Variants in MMP16 observed in about 807,000 individuals in gnomAD.
The protein encoded by MMP16 is matrix metalloproteinase-16.
MMP16 carries 12 observed loss-of-function variants against 67.8 expected under a neutral mutation model. That is an observed-to-expected ratio of 0.18 (90% CI 0.11 to 0.29). MMP16 has a LOEUF of 0.29. Ranked by LOEUF, MMP16 falls within the 10% of genes least tolerant of loss-of-function variation. The pLI, the probability that MMP16 is intolerant of heterozygous loss-of-function variation, is 1.00. For synonymous variants in MMP16, 249 were observed against 255.9 expected (o/e 0.97, Z 0.26); for missense variants, 475 against 765.7 (o/e 0.62, Z 4.48).
intron 6 of MMP16, among the ~76,000 whole-genome samples, chr8:88,113,741 G>GTAT (rs1284816237): frequency 6.6e-5 from 10 of 151,964 alleles, no homozygotes; most frequent in African/African-American, 2.4e-4. Context: ...ATTCACAAGT[G>GTAT]GAACATCTGT....
intron 1 of MMP16, among the ~76,000 whole-genome samples, chr8:88,308,100 A>G (rs1438205667): frequency 6.6e-6 from 1 of 152,072 alleles, no homozygotes; most frequent in Non-Finnish European, 1.5e-5. Flanking sequence ...AAATTAGTAT[A>G]TAATAAAGGC....
chr8:88,165,084 T>C (rs1382673776), intron 4 of MMP16, among the ~76,000 whole-genome samples: 1 of 150,184 alleles, frequency 6.7e-6, no homozygotes, highest in Non-Finnish European at 1.5e-5. Context: ...TAGGTAATAC[T>C]GTAATTCCAG....
Position 88,041,865 on chromosome 8 carries a change from C to G in MMP16, c.1490-70G>C. 1 of 1,126,924 alleles carries G rather than the reference C, an allele frequency of 8.9e-7. No individual in the cohort carries two copies. Among genetic ancestry groups the G allele is most frequent in the Non-Finnish European group, 1.3e-6 (1 of 785,514 alleles). The allele number at this position is 1,126,924 out of a possible 1,614,324, so 69.8% of individuals were successfully genotyped here. A position where few individuals can be genotyped will look rare whatever the true frequency, so the allele number is the denominator to read the frequency against. On this transcript the variant is annotated intron_variant, in intron 9 of 9. Coordinates refer to ENST00000286614, the MANE Select transcript of MMP16 (RefSeq NM_005941.5). The surrounding 1 kb of genome is among the most constrained non-coding windows in gnomAD (Gnocchi z 6.0). The stretch of plus-strand genomic sequence containing the variant: ...ACAGTGTATATGTAGAGAAATGTTA[C>G]TAAAATAGGCTATGTCTTAAGAGAT...
chr8:88,132,259 A>G (rs1443280876), intron 4 of MMP16, among the ~76,000 whole-genome samples: 2 of 151,972 alleles, frequency 1.3e-5, no homozygotes, highest in Non-Finnish European at 1.5e-5. Context: ...TCTTTAAAAT[A>G]CGATTTTTCA....
intron 1 of MMP16, among the ~76,000 whole-genome samples, chr8:88,227,238 C>A (rs1809785330): frequency 1.3e-5 from 2 of 151,904 alleles, no homozygotes; most frequent in African/African-American, 4.8e-5. Context: ...TTACAATATA[C>A]ATATAGCAAA....
At chr8:88,042,630 T>G (rs1409888065) in intron 9 of MMP16, among the ~76,000 whole-genome samples, 1 of 152,214 alleles carries the variant, frequency 6.6e-6, no homozygotes, top group Non-Finnish European at 1.5e-5. Context: ...AATTCTATTT[T>G]TAATACTTCC....
chr8:88,153,961 T>C (rs1031884197), intron 4 of MMP16, among the ~76,000 whole-genome samples: 2 of 150,634 alleles, frequency 1.3e-5, no homozygotes, highest in African/African-American at 2.4e-5. Context: ...TTTCACAACC[T>C]ACTCATCTGA....
intron 6 of MMP16, among the ~76,000 whole-genome samples, chr8:88,088,030 A>C (rs1000756725): frequency 4.0e-5 from 3 of 75,272 alleles, no homozygotes; most frequent in Non-Finnish European, 8.7e-5. Context: ...TATATTATAT[A>C]TATAGATATA....
chr8:88,121,384 T>C (rs1039313749), intron 4 of MMP16, among the ~76,000 whole-genome samples: 1 of 151,996 alleles, frequency 6.6e-6, no homozygotes, highest in Non-Finnish European at 1.5e-5. Context: ...CTTCAGATGA[T>C]TGGCAATAAT....
intron 1 of MMP16, among the ~76,000 whole-genome samples, chr8:88,232,468 A>AT (rs1202923494): frequency 6.6e-6 from 1 of 152,180 alleles, no homozygotes; most frequent in African/African-American, 2.4e-5. Flanking sequence ...ATTACTATAT[A>AT]TAAGATCATT....
intron 4 of MMP16, among the ~76,000 whole-genome samples, chr8:88,153,384 C>T (rs1808444855): frequency 6.6e-6 from 1 of 152,080 alleles, no homozygotes; most frequent in South Asian, 2.1e-4. Flanking sequence ...TCATATGGAA[C>T]CAAAAAAGAG....
intron 1 of MMP16, among the ~76,000 whole-genome samples, chr8:88,237,753 T>C (rs1251551294): frequency 6.6e-6 from 1 of 152,210 alleles, no homozygotes; most frequent in African/African-American, 2.4e-5. Flanking sequence ...GAGGCTATTA[T>C]TGGTGATTTA....
At chr8:88,107,472 A>G (rs759847847) in intron 6 of MMP16, among the ~76,000 whole-genome samples, 6 of 151,068 alleles carry the variant, frequency 4.0e-5, no homozygotes, top group Non-Finnish European at 8.9e-5. Context: ...TTTATGCTTA[A>G]AATTATGTAT....
chr8:88,037,026 T>C lies in MMP16; in HGVS notation c.*4435A>G, dbSNP rs567084518. 6.6e-6 allele frequency: 1 copy of C among 151,520 alleles called. No homozygotes were observed. The highest frequency in any genetic ancestry group is 1.5e-5 in the Non-Finnish European group (1 of 67,698). The allele number at this position is 151,520 out of a possible 1,614,324, so 9.4% of individuals were successfully genotyped here. A position where few individuals can be genotyped will look rare whatever the true frequency, so the allele number is the denominator to read the frequency against. ...TCTGTCTGTCTGCTTATAACATCCATTCCTCTTCAGATAGCACTTTGAGTT... is the reference window on the plus strand; with the variant it reads ...TCTGTCTGTCTGCTTATAACATCCACTCCTCTTCAGATAGCACTTTGAGTT... On this transcript the variant is annotated 3_prime_UTR_variant, in exon 10 of 10. Transcript: ENST00000286614.
Position 88,035,833 on chromosome 8 carries a change from TG to T in MMP16, c.*5627del, listed in dbSNP as rs1808047257. On this transcript the variant is annotated 3_prime_UTR_variant, in exon 10 of 10. Transcript: ENST00000286614. The surrounding 1 kb of genome is among the most constrained non-coding windows in gnomAD (Gnocchi z 4.7). ...TTCATTCTTAGGCTTTCTATACTAT[TG>T]GTTTAACTTTCAAAGTAGACATACG... is the stretch of plus-strand genomic sequence containing the variant. 1 of 152,004 alleles carries T rather than the reference TG, an allele frequency of 6.6e-6. No homozygotes were observed. The highest frequency in any genetic ancestry group is 2.4e-5 in the African/African-American group (1 of 41,438). 9.4% of individuals were successfully genotyped at this position (152,004 alleles called of 1,614,324 possible).
intron 1 of MMP16, among the ~76,000 whole-genome samples, chr8:88,297,442 T>G (rs1811030150): frequency 6.6e-6 from 1 of 152,134 alleles, no homozygotes; most frequent in Admixed American, 6.5e-5. Context: ...TCATTATGAT[T>G]AACCATAGAG....
chr8:88,090,213 T>C (rs973118198), intron 6 of MMP16, among the ~76,000 whole-genome samples: 63 of 151,974 alleles, frequency 4.1e-4, no homozygotes, highest in Admixed American at 2.8e-3. Flanking sequence ...GAAGTTACAA[T>C]GGTAATTAGT....
At chr8:88,322,141 A>G (rs944685430) in intron 1 of MMP16, among the ~76,000 whole-genome samples, 1 of 152,148 alleles carries the variant, frequency 6.6e-6, no homozygotes, top group African/African-American at 2.4e-5. Flanking sequence ...AAAAGGAAGC[A>G]CTTGGGGTTT....
Position 88,167,781 on chromosome 8 carries a change from A to G in MMP16, c.597T>C (p.Phe199=). The change falls in exon 4 of 10, where the codon TTT becomes TTC. Residue 199 remains phenylalanine (F), a synonymous_variant. Coordinates refer to ENST00000286614, the MANE Select transcript of MMP16 (RefSeq NM_005941.5). ...ASGFHGDSSP[F]DGEGGFLAHA... is the part of the protein sequence containing the mutation. ...GTGCCAAAAATCCTCCCTCTCCATCAAAGGGAGAGCTGTCCCCATGGAAAC... is the reference window on the plus strand; with the variant it reads ...GTGCCAAAAATCCTCCCTCTCCATCGAAGGGAGAGCTGTCCCCATGGAAAC... 2 of 1,614,000 alleles carry G rather than the reference A, an allele frequency of 1.2e-6. No individual in the cohort carries two copies.
Sources: gnomAD v4.1 joint callset for allele counts (sites outside exome capture counted in the v4.1 genomes callset) on GRCh38, gnomAD v4.1.1 for gene constraint, Gnocchi (gnomAD v3.1) non-coding constraint, MANE v1.5 for transcripts, NCBI Gene and HGNC (gene_info 2026-07-23, HGNC 2026-07-21) for gene names.